PRMT8: variants seen among roughly 807,000 people sequenced by gnomAD.
PRMT8 encodes the protein protein arginine N-methyltransferase 8.
In PRMT8, 7 loss-of-function variants were observed where a neutral mutation model predicts 47.1. That is an observed-to-expected ratio of 0.15 (90% CI 0.08 to 0.28). The LOEUF (loss-of-function observed/expected upper bound fraction) is 0.28. Ranked by LOEUF, PRMT8 falls within the 10% of genes least tolerant of loss-of-function variation. PRMT8 has a pLI of 1.00. For missense variants in PRMT8, 237 were observed against 505.4 expected (o/e 0.47, Z 5.09); for synonymous variants, 188 against 186.5 (o/e 1.01, Z -0.07).
chr12:3,448,701 G>GT (rs1390541872), intron 1 of PRMT8, among the ~76,000 whole-genome samples: 27 of 151,998 alleles, frequency 1.8e-4, no homozygotes, highest in African/African-American at 5.5e-4. Flanking sequence ...GAAAACCACC[G>GT]TTTTTTTATT....
At chr12:3,426,223 G>T (rs1487548781) in intron 1 of PRMT8, among the ~76,000 whole-genome samples, 1 of 152,216 alleles carries the variant, frequency 6.6e-6, no homozygotes, top group Admixed American at 6.5e-5. Context: ...AATTGCTTTT[G>T]CTTAATGTGT....
intron 1 of PRMT8, among the ~76,000 whole-genome samples, chr12:3,454,109 C>T (rs1864949424): frequency 1.3e-5 from 2 of 152,136 alleles, no homozygotes; most frequent in South Asian, 4.1e-4. Context: ...ACACGGAGGC[C>T]CATCTGACTT....
chr12:3,590,977 C>T (rs985207084), intron 8 of PRMT8, among the ~76,000 whole-genome samples: 6 of 152,044 alleles, frequency 3.9e-5, no homozygotes, highest in African/African-American at 1.2e-4. Flanking sequence ...TGACAGGCAC[C>T]GCAATAACAG....
intron 1 of PRMT8, among the ~76,000 whole-genome samples, chr12:3,465,812 C>T (rs977915733): frequency 1.3e-5 from 2 of 152,240 alleles, no homozygotes; most frequent in African/African-American, 2.4e-5. Context: ...GCATTTGCTG[C>T]TTCTCACTCA....
intron 1 of PRMT8, among the ~76,000 whole-genome samples, chr12:3,449,163 G>A (rs1324245873): frequency 3.3e-5 from 5 of 152,140 alleles, no homozygotes; most frequent in Non-Finnish European, 7.4e-5. Context: ...TTGATTCCAT[G>A]TCTTTGCTAT....
intron 8 of PRMT8, among the ~76,000 whole-genome samples, chr12:3,584,518 G>T (rs930111088): frequency 6.6e-6 from 1 of 152,170 alleles, no homozygotes; most frequent in African/African-American, 2.4e-5. Context: ...AACATCTCGT[G>T]CATGTGCCTG....
rs887029023 is a variant in PRMT8, at chr12:3,557,413, G to A, written c.481+3699G>A. Among the ~76,000 whole-genome samples the A allele has an allele frequency of 2.0e-5, 3 of 152,118 alleles. No homozygotes were observed. The highest frequency in any genetic ancestry group is 1.9e-4 in the East Asian group (1 of 5,172). On this transcript the variant is annotated intron_variant, in intron 4 of 9. Transcript: ENST00000382622. The surrounding 1 kb of genome is among the most constrained non-coding windows in gnomAD (Gnocchi z 4.7). The stretch of plus-strand genomic sequence containing the variant: ...TGGTGGTTGTGACAAAGGCTGGGGC[G>A]AGGGGCGGGCAGCATGTCTAGTGGC...
upstream of PRMT8, among the ~76,000 whole-genome samples, chr12:3,488,595 A>T (rs538307407): frequency 2.8e-4 from 42 of 152,352 alleles, no homozygotes; most frequent in African/African-American, 9.6e-4. Context: ...TCAATGGTCA[A>T]TTCAATATGT....
intron 1 of PRMT8, among the ~76,000 whole-genome samples, chr12:3,416,636 C>A (rs891578570): frequency 2.0e-5 from 3 of 152,270 alleles, no homozygotes; most frequent in African/African-American, 7.2e-5. Flanking sequence ...GAGCTCTTTA[C>A]AGGAGCCTGT....
chr12:3,589,814 G>T (rs1867260565), intron 8 of PRMT8, among the ~76,000 whole-genome samples: 1 of 152,194 alleles, frequency 6.6e-6, no homozygotes, highest in Non-Finnish European at 1.5e-5. Context: ...ACAAATCTGG[G>T]CCAGGAAGTC....
Position 3,564,657 on chromosome 12 carries a change from T to G in PRMT8, c.482-4049T>G, listed in dbSNP as rs1866689039. 6.6e-6 allele frequency among the ~76,000 whole-genome samples: 1 copy of G among 152,242 alleles called. No individual in the cohort carries two copies. The highest frequency in any genetic ancestry group is 2.1e-4 in the South Asian group (1 of 4,832). Reference sequence around the variant, plus strand: ...CAAACTTTCCATCATCCTTCTGGAATAAAAACATGGATCCGGACGGTGACC... The same window carrying G: ...CAAACTTTCCATCATCCTTCTGGAAGAAAAACATGGATCCGGACGGTGACC... On this transcript the variant is annotated intron_variant, in intron 4 of 9. Coordinates refer to ENST00000382622, the MANE Select transcript of PRMT8 (RefSeq NM_019854.5). The surrounding 1 kb of genome is among the most constrained non-coding windows in gnomAD (Gnocchi z 4.0).
At chr12:3,382,653 T>G (rs1440706318) in intron 1 of PRMT8, among the ~76,000 whole-genome samples, 1 of 152,312 alleles carries the variant, frequency 6.6e-6, no homozygotes, top group East Asian at 1.9e-4. Context: ...TATTTTCTCC[T>G]TGTTTGTGGG....
In PRMT8 at chr12:3,550,964, C is replaced by T. The variant is rs1866407946; in HGVS notation, c.417+873C>T. 6.6e-6 allele frequency: 1 copy of T among 152,234 alleles called. No homozygotes were observed. The highest frequency in any genetic ancestry group is 1.5e-5 in the Non-Finnish European group (1 of 68,056). 9.4% of individuals were successfully genotyped at this position (152,234 alleles called of 1,614,324 possible). A position where few individuals can be genotyped will look rare whatever the true frequency, so the allele number is the denominator to read the frequency against. ...TGAAAGGCAAACCACAATGAGATTC[C>T]CAGTCTGCATGTGAGCCGGCCCATT... On this transcript the variant is annotated intron_variant, in intron 3 of 9. Transcript: ENST00000382622. The surrounding 1 kb of genome is among the most constrained non-coding windows in gnomAD (Gnocchi z 5.1).
At chr12:3,548,544 A>G (rs923244568) in intron 2 of PRMT8, among the ~76,000 whole-genome samples, 1 of 152,110 alleles carries the variant, frequency 6.6e-6, no homozygotes, top group Non-Finnish European at 1.5e-5. Context: ...TTCACAAAAG[A>G]TGATACATGT....
At chr12:3,588,125 T>C (rs1867221110) in intron 8 of PRMT8, among the ~76,000 whole-genome samples, 1 of 152,156 alleles carries the variant, frequency 6.6e-6, no homozygotes, top group Admixed American at 6.5e-5. Flanking sequence ...ATCAGCAAGG[T>C]AGGCAGATCA....
At position 3,467,297 on chromosome 12, in the gene PRMT8, C is replaced by T. The variant is rs138012536; in HGVS notation, c.49-73309C>T. Among the ~76,000 whole-genome samples, 1,015 of 146,996 alleles carry T rather than the reference C, an allele frequency of 6.9e-3. 11 individuals are homozygous for T. The highest frequency in any genetic ancestry group is 0.023 in the African/African-American group (938 of 39,930). ...GGCAGAAACATAAGATGAGTTCACA[C>T]GGCAGTGAGGAAATCTGGAAGCAGC... On this transcript the variant is annotated intron_variant, in intron 1 of 9. Coordinates refer to the PRMT8 transcript ENST00000452611.
chr12:3,491,973 C>T (rs1347105070), intron 1 of PRMT8, among the ~76,000 whole-genome samples: 1 of 151,898 alleles, frequency 6.6e-6, no homozygotes, highest in African/African-American at 2.4e-5. Flanking sequence ...CCATCACCCT[C>T]TCCTGCCACC....
rs544454877 is a variant in PRMT8, at chr12:3,409,658, A to G, written c.48+28216A>G. 1.8e-4 allele frequency among the ~76,000 whole-genome samples: 28 copies of G among 152,126 alleles called. No individual in the cohort carries two copies. The highest frequency in any genetic ancestry group is 6.7e-4 in the African/African-American group (28 of 41,496). ...GGGGTGAGGTGTCCCATCTCAGTCA[A>G]TGCTCTGTTTTCCTGGGATGTGGGA... On this transcript the variant is annotated intron_variant, in intron 1 of 9. Coordinates refer to the PRMT8 transcript ENST00000452611. This position sits in a 1 kb window ranked among gnomAD's most constrained non-coding sequence, Gnocchi z 4.4.
chr12:3,537,378 C>T (rs1022396276), intron 1 of PRMT8, among the ~76,000 whole-genome samples: 6 of 152,162 alleles, frequency 3.9e-5, no homozygotes, highest in Non-Finnish European at 8.8e-5. Context: ...GGGTGTTCAT[C>T]TATTTTTGTA....
Sources: allele counts gnomAD v4.1 joint callset (sites outside exome capture counted in the v4.1 genomes callset), GRCh38; gene constraint gnomAD v4.1.1; non-coding constraint Gnocchi (gnomAD v3.1); transcripts MANE v1.5; gene names NCBI Gene and HGNC (gene_info 2026-07-23, HGNC 2026-07-21).